Variants in ZNF44 observed in about 807,000 individuals in gnomAD.
The protein encoded by ZNF44 is gonadotropin inducible transcription repressor-2.
ZNF44 carries 9 observed loss-of-function variants against 11.7 expected under a neutral mutation model. The observed-to-expected ratio is 0.77, with a 90% CI of 0.46 to 1.35. The LOEUF (loss-of-function observed/expected upper bound fraction) is 1.35, where lower values mean the gene tolerates loss of function less well. Ranked by LOEUF, ZNF44 falls within the 40% of genes most tolerant of loss-of-function variation. ZNF44 has a pLI of 0.00. For synonymous variants in ZNF44, 224 were observed against 242.7 expected, an observed-to-expected ratio of 0.92 and a Z score of 0.72; for missense variants, 696 against 743.1, an observed-to-expected ratio of 0.94 and a Z score of 0.74.
At chr19:12,289,442 C>T (rs1169150501) in intron 1 of ZNF44, among the ~76,000 whole-genome samples, 1 of 152,118 alleles carries the variant, frequency 6.6e-6, no homozygotes, top group African/African-American at 2.4e-5. Flanking sequence ...ATCCCATGAA[C>T]AGGCTTGAGT....
At position 12,248,899 on chromosome 19, in the gene ZNF44, T is replaced by C. The variant is rs1457966146; in HGVS notation, c.*187-221A>G. ...TGATTTTCATATATGGGTTTCTCTT[T>C]TTTTTTTTTTTTGAGACGGAGTCTC... On this transcript the variant is annotated intron_variant and NMD_transcript_variant, in intron 7 of 7. Coordinates refer to the ZNF44 transcript ENST00000393337. 9.0e-4 allele frequency among the ~76,000 whole-genome samples: 129 copies of C among 143,370 alleles called. 2 individuals carry two copies. The East Asian group carries it at 0.016, about 17-fold the overall frequency. The allele number at this position is 143,370 out of a possible 152,430, so 94.1% of individuals were successfully genotyped here.
chr19:12,287,580 T>C (rs944003319), intron 1 of ZNF44, among the ~76,000 whole-genome samples: 16 of 152,194 alleles, frequency 1.1e-4, no homozygotes, highest in African/African-American at 3.6e-4. Context: ...TGTGTCTGAG[T>C]TGTTTCACTT....
chr19:12,274,562 C>G (rs1193755581), intron 3 of ZNF44, among the ~76,000 whole-genome samples: 1 of 151,382 alleles, frequency 6.6e-6, no homozygotes, highest in East Asian at 1.9e-4. Context: ...GCATAAGCCA[C>G]TGCGCCTGGC....
Position 12,272,884 on chromosome 19 carries a change from A to T in ZNF44, c.1371T>A (p.Phe457Leu). Residue 457 changes from phenylalanine (F) to leucine (L), a missense_variant, in exon 4 of 4, where the codon TTT (phenylalanine) becomes TTA (leucine). Coordinates refer to ENST00000355684, the MANE Select transcript of ZNF44 (RefSeq NM_016264.4). ...GACTTTGAAAGGAAAATAAATCACT[A>T]AAAGCTTTTCCACATTTACATTTAT... ...QPYKCKCGKA[F>L]SDLFSFQSHE... The T allele has an allele frequency of 6.2e-7, 1 of 1,614,094 alleles. No individual in the cohort carries two copies. The highest frequency in any genetic ancestry group is 8.5e-7 in the Non-Finnish European group (1 of 1,180,026).
At chr19:12,239,602 G>T (rs1429610604), upstream of ZNF44, among the ~76,000 whole-genome samples, 2 of 119,402 alleles carry the variant, frequency 1.7e-5, no homozygotes, top group Non-Finnish European at 3.4e-5. Context: ...TTGAGATAGA[G>T]TCTAACTCTG....
intron 5 of ZNF44, among the ~76,000 whole-genome samples, chr19:12,258,143 G>C (rs920315935): frequency 8.2e-6 from 1 of 121,936 alleles, no homozygotes; most frequent in African/African-American, 3.3e-5. Context: ...GGACAACATA[G>C]TGAGATCTCA....
chr19:12,266,675 T>C (rs1917744195), intron 5 of ZNF44, among the ~76,000 whole-genome samples: 1 of 152,176 alleles, frequency 6.6e-6, no homozygotes, highest in South Asian at 2.1e-4. Flanking sequence ...CCCCTATCAA[T>C]AAGTTAAATG....
exon 8 of ZNF44, chr19:12,247,827 G>A: frequency 1.5e-6 from 2 of 1,300,064 alleles, no homozygotes; most frequent in East Asian, 5.5e-5. Flanking sequence ...ACCTAAAGGA[G>A]ACAAGTAAGT....
chr19:12,252,878 CTTTTTTTTTT>C (rs753388314), intron 5 of ZNF44, among the ~76,000 whole-genome samples: 3 of 78,640 alleles, frequency 3.8e-5, no homozygotes, highest in Admixed American at 3.8e-4. Context: ...CTACAAGAAA[CTTTTTTTTTT>C]TTTTTTTTTT....
At chr19:12,293,377 T>C in intron 1 of ZNF44, 1 of 1,535,744 alleles carries the variant, frequency 6.5e-7, no homozygotes, top group South Asian at 1.2e-5. Flanking sequence ...ACACAGGGCC[T>C]GGAAAAGATA....
intron 5 of ZNF44, among the ~76,000 whole-genome samples, chr19:12,256,734 T>C (rs1008627358): frequency 2.1e-5 from 3 of 139,768 alleles, no homozygotes; most frequent in Non-Finnish European, 4.6e-5. Flanking sequence ...GGAGTCTTGC[T>C]CTGTCACCCA....
At chr19:12,226,518 C>G (rs1053436655) in exon 4 of ZNF44, 5 of 152,096 alleles carry the variant, frequency 3.3e-5, no homozygotes, top group African/African-American at 1.2e-4. Flanking sequence ...CCAGTTTTCC[C>G]AATTGTGTCC....
intron 6 of ZNF44, chr19:12,250,087 G>A: frequency 8.0e-7 from 1 of 1,254,790 alleles, no homozygotes; most frequent in Non-Finnish European, 1.0e-6. Context: ...AGAAATTACA[G>A]AAAAATTATT....
At chr19:12,230,213 G>A (rs1228813736) in intron 3 of ZNF44, among the ~76,000 whole-genome samples, 1 of 152,218 alleles carries the variant, frequency 6.6e-6, no homozygotes, top group Non-Finnish European at 1.5e-5. Flanking sequence ...GTGTGGGAAT[G>A]TGGGATTGTT....
intron 1 of ZNF44, among the ~76,000 whole-genome samples, chr19:12,292,230 A>G (rs1188678854): frequency 6.6e-6 from 1 of 152,072 alleles, no homozygotes; most frequent in African/African-American, 2.4e-5. Flanking sequence ...GAGCCCAGGC[A>G]GTCTAGGCTG....
chr19:12,272,433 T>C lies in ZNF44; in HGVS notation c.1822A>G (p.Arg608Gly). The C allele has an allele frequency of 6.4e-7, 1 of 1,566,838 alleles. No homozygotes were observed. The highest frequency in any genetic ancestry group is 8.6e-7 in the Non-Finnish European group (1 of 1,161,280). The change falls in exon 4 of 4, where the codon AGG (arginine) becomes GGG (glycine). Residue 608 changes from arginine (R) to glycine (G), a missense_variant. Physicochemically the swap from Arg to Gly is moderately radical, Grantham distance 125. Coordinates refer to ENST00000355684, the MANE Select transcript of ZNF44 (RefSeq NM_016264.4). ...SSLSSFNRHK[R>G]THWKDIL ...TATAGAATATCCTTCCAGTGTGTCCTTTTATGTCTATTAAAGGAACTGAGA... is the reference window on the plus strand; with the variant it reads ...TATAGAATATCCTTCCAGTGTGTCCCTTTATGTCTATTAAAGGAACTGAGA...
intron 5 of ZNF44, chr19:12,250,404 T>G (rs1916942265): frequency 2.3e-6 from 3 of 1,326,376 alleles, no homozygotes; most frequent in Non-Finnish European, 3.0e-6. Flanking sequence ...GGAGAATGGG[T>G]GAGACTGACA....
intron 1 of ZNF44, among the ~76,000 whole-genome samples, chr19:12,279,544 T>C (rs1195222523): frequency 7.3e-6 from 1 of 137,876 alleles, no homozygotes. Flanking sequence ...ATACGACTCA[T>C]TAATGGAAAC....
downstream of ZNF44, among the ~76,000 whole-genome samples, chr19:12,266,883 G>A (rs1917752688): frequency 6.6e-6 from 1 of 152,068 alleles, no homozygotes; most frequent in South Asian, 2.1e-4. Context: ...AACGATCCTC[G>A]TGCCTCAGAG....
Sources: allele counts gnomAD v4.1 joint callset (sites outside exome capture counted in the v4.1 genomes callset), GRCh38; gene constraint gnomAD v4.1.1; transcripts MANE v1.5; gene names NCBI Gene and HGNC (gene_info 2026-07-23, HGNC 2026-07-21).